OR14A2: variants seen among roughly 807,000 people sequenced by gnomAD.
OR14A2 encodes the protein olfactory receptor family 14 subfamily A member 2, also known as olfactory receptor 14A2.
For missense variants in OR14A2, 237 were observed against 152.9 expected (o/e 1.55, Z -2.90); for synonymous variants, 114 against 58.6 (o/e 1.95, Z -4.32).
At chr1:247,736,981 A>T in the OR14A2 span, among the ~76,000 whole-genome samples, 1 of 152,180 alleles carries the variant, frequency 6.6e-6, no homozygotes, top group Non-Finnish European at 1.5e-5. Context: ...TTTTGTAGAC[A>T]TAGAGGGGTC....
chr1:247,739,332 G>A, the OR14A2 span: 1 of 780,768 alleles, frequency 1.3e-6, no homozygotes, highest in Non-Finnish European at 2.4e-6. Flanking sequence ...TTCCAACTGT[G>A]TGCCTCACCT....
chr1:247,725,992 AC>A (rs1172262647), upstream of OR14A2, among the ~76,000 whole-genome samples: 1 of 144,342 alleles, frequency 6.9e-6, no homozygotes, highest in African/African-American at 2.7e-5. Context: ...CAGTAAACAT[AC>A]GTGTGCATGT....
At chr1:247,744,162 G>T in the OR14A2 span, among the ~76,000 whole-genome samples, 1 of 152,078 alleles carries the variant, frequency 6.6e-6, no homozygotes, top group Non-Finnish European at 1.5e-5. The surrounding 1 kb of genome is among the most constrained non-coding windows in gnomAD (Gnocchi z 4.3). Context: ...TCTAATGATT[G>T]TAATTCTGTA....
the OR14A2 span, among the ~76,000 whole-genome samples, chr1:247,731,619 T>C: frequency 6.6e-6 from 1 of 152,226 alleles, no homozygotes; most frequent in African/African-American, 2.4e-5. Flanking sequence ...TTATATGCTC[T>C]ATCTTCAATG....
chr1:247,741,001 G>A, the OR14A2 span, among the ~76,000 whole-genome samples: 1 of 152,100 alleles, frequency 6.6e-6, no homozygotes, highest in Non-Finnish European at 1.5e-5. Context: ...CAGCATCTTT[G>A]AAACTTGGTC....
At chr1:247,738,140 A>T in the OR14A2 span, among the ~76,000 whole-genome samples, 1 of 152,200 alleles carries the variant, frequency 6.6e-6, no homozygotes, top group Non-Finnish European at 1.5e-5. Context: ...AGGGGATAGT[A>T]AATTAGAGTA....
At chr1:247,735,788 T>C in the OR14A2 span, among the ~76,000 whole-genome samples, 1 of 151,604 alleles carries the variant, frequency 6.6e-6, no homozygotes, top group Non-Finnish European at 1.5e-5. Flanking sequence ...ACCCGGGGAG[T>C]TGGGGTCTTG....
At chr1:247,734,649 G>A in the OR14A2 span, among the ~76,000 whole-genome samples, 1 of 152,268 alleles carries the variant, frequency 6.6e-6, no homozygotes, top group East Asian at 1.9e-4. Flanking sequence ...TTCAGTCCCT[G>A]TCAAAATCCC....
At chr1:247,734,888 C>T in the OR14A2 span, among the ~76,000 whole-genome samples, 32 of 152,172 alleles carry the variant, frequency 2.1e-4, no homozygotes, top group Non-Finnish European at 2.4e-4. Context: ...TCTAGAAAGT[C>T]AGTCATTCAA....
At chr1:247,742,484 C>T in the OR14A2 span, among the ~76,000 whole-genome samples, 4 of 151,536 alleles carry the variant, frequency 2.6e-5, no homozygotes, top group Non-Finnish European at 4.4e-5. Flanking sequence ...ACACACACAC[C>T]ATGAAGTGGA....
At chr1:247,739,823 T>C in the OR14A2 span, among the ~76,000 whole-genome samples, 2 of 152,058 alleles carry the variant, frequency 1.3e-5, no homozygotes, top group East Asian at 3.9e-4. Flanking sequence ...AATTATCATG[T>C]CTCGGCTTCC....
At chr1:247,728,538 A>G (rs1483461419), upstream of OR14A2, among the ~76,000 whole-genome samples, 2 of 151,710 alleles carry the variant, frequency 1.3e-5, no homozygotes, top group African/African-American at 2.4e-5. Flanking sequence ...CTCTCTCACC[A>G]CTCCTATTCA....
the OR14A2 span, chr1:247,739,213 T>C: frequency 2.0e-5 from 16 of 780,876 alleles, no homozygotes; most frequent in East Asian, 7.3e-5. Flanking sequence ...AGTGTGGCCA[T>C]TGGGGTCTGT....
At chr1:247,741,855 A>C in the OR14A2 span, among the ~76,000 whole-genome samples, 1 of 152,180 alleles carries the variant, frequency 6.6e-6, no homozygotes, top group Non-Finnish European at 1.5e-5. Context: ...CGAAACGTTC[A>C]TTGTACTATA....
At chr1:247,735,361 C>G in the OR14A2 span, among the ~76,000 whole-genome samples, 1 of 152,190 alleles carries the variant, frequency 6.6e-6, no homozygotes, top group Non-Finnish European at 1.5e-5. Flanking sequence ...TCTGTGTACA[C>G]ACACCAAAAT....
the OR14A2 span, among the ~76,000 whole-genome samples, chr1:247,734,497 G>C: frequency 6.6e-6 from 1 of 152,078 alleles, no homozygotes; most frequent in African/African-American, 2.4e-5. Context: ...AATGAGCTTG[G>C]GGGTTGTGTA....
the OR14A2 span, among the ~76,000 whole-genome samples, chr1:247,735,562 A>C: frequency 5.9e-5 from 9 of 152,356 alleles, no homozygotes; most frequent in East Asian, 1.7e-3. Flanking sequence ...AAAACCTATG[A>C]AATAAAATAT....
the OR14A2 span, among the ~76,000 whole-genome samples, chr1:247,733,596 G>C: frequency 6.6e-6 from 1 of 152,102 alleles, no homozygotes; most frequent in South Asian, 2.1e-4. Context: ...AGGACTACAG[G>C]TATCATGCTT....
At chr1:247,742,152 G>C in the OR14A2 span, among the ~76,000 whole-genome samples, 1 of 152,170 alleles carries the variant, frequency 6.6e-6, no homozygotes, top group African/African-American at 2.4e-5. Context: ...ACTTGGTATG[G>C]TGTGAAACAG....
Sources: gnomAD v4.1 joint callset for allele counts (sites outside exome capture counted in the v4.1 genomes callset) on GRCh38, gnomAD v4.1.1 for gene constraint, Gnocchi (gnomAD v3.1) non-coding constraint, MANE v1.5 for transcripts, NCBI Gene and HGNC (gene_info 2026-07-23, HGNC 2026-07-21) for gene names.